RALYL: variants seen among roughly 807,000 people sequenced by gnomAD.
RALYL encodes RNA-binding Raly-like protein.
Under a neutral mutation model 35.1 loss-of-function variants are expected in RALYL, and 29 were observed. That is an observed-to-expected ratio of 0.83 (90% CI 0.61 to 1.13). RALYL has a LOEUF of 1.13. Among genes scored for constraint, RALYL ranks in the 50% most tolerant of loss-of-function variants. The pLI is 0.00. For missense variants in RALYL, 359 were observed against 360.4 expected (o/e 1.00, Z 0.03); for synonymous variants, 120 against 127.6 (o/e 0.94, Z 0.40).
intron 1 of RALYL, among the ~76,000 whole-genome samples, chr8:84,500,553 C>T (rs956006468): frequency 2.0e-5 from 3 of 152,040 alleles, no homozygotes; most frequent in African/African-American, 4.8e-5. Flanking sequence ...GTTTATTTTG[C>T]TTGTCTTTGT....
At chr8:84,635,129 G>A (rs915686824) in intron 2 of RALYL, among the ~76,000 whole-genome samples, 4 of 151,726 alleles carry the variant, frequency 2.6e-5, no homozygotes, top group East Asian at 1.9e-4. Flanking sequence ...TTTACAGTGC[G>A]TTAAGTAGCA....
At chr8:84,820,051 G>T (rs1232843135) in intron 4 of RALYL, among the ~76,000 whole-genome samples, 1 of 152,122 alleles carries the variant, frequency 6.6e-6, no homozygotes, top group African/African-American at 2.4e-5. Context: ...CTATTAGAGA[G>T]TGAGAGAGAG....
chr8:84,271,902 T>A (rs1210985287), intron 1 of RALYL, among the ~76,000 whole-genome samples: 1 of 152,170 alleles, frequency 6.6e-6, no homozygotes, highest in African/African-American at 2.4e-5. Context: ...TGCATTGTGA[T>A]AATTATTGCA....
At chr8:84,444,072 T>C (rs2048612847) in intron 1 of RALYL, among the ~76,000 whole-genome samples, 1 of 152,144 alleles carries the variant, frequency 6.6e-6, no homozygotes, top group Non-Finnish European at 1.5e-5. Context: ...CCCATGCCTG[T>C]CATGTCAGCA....
intron 8 of RALYL, among the ~76,000 whole-genome samples, chr8:84,902,813 G>A (rs956814423): frequency 6.6e-6 from 1 of 152,066 alleles, no homozygotes; most frequent in Non-Finnish European, 1.5e-5. Flanking sequence ...GATTAAATAG[G>A]ATCATGTTTA....
intron 2 of RALYL, among the ~76,000 whole-genome samples, chr8:84,568,042 T>A (rs1401638943): frequency 6.6e-6 from 1 of 151,818 alleles, no homozygotes; most frequent in Non-Finnish European, 1.5e-5. Context: ...TTTCCCAGTT[T>A]TTTTTTAAAT....
At chr8:84,331,348 C>T (rs1846772297) in intron 1 of RALYL, among the ~76,000 whole-genome samples, 1 of 152,094 alleles carries the variant, frequency 6.6e-6, no homozygotes, top group South Asian at 2.1e-4. Flanking sequence ...TAAGGCTCAT[C>T]TTATGTTGTA....
At chr8:84,894,592 A>G (rs1470964280) in intron 8 of RALYL, among the ~76,000 whole-genome samples, 2 of 152,124 alleles carry the variant, frequency 1.3e-5, no homozygotes, top group Non-Finnish European at 2.9e-5. Context: ...GGCCTAGGTG[A>G]CCTGCATGGG....
intron 1 of RALYL, among the ~76,000 whole-genome samples, chr8:84,407,069 A>AACAC (rs142315273): frequency 7.1e-6 from 1 of 140,868 alleles, no homozygotes; most frequent in Admixed American, 7.1e-5. Flanking sequence ...CACACACACA[A>AACAC]ACACACACAC....
At chr8:84,394,633 G>A (rs1235739112) in intron 1 of RALYL, among the ~76,000 whole-genome samples, 1 of 151,672 alleles carries the variant, frequency 6.6e-6, no homozygotes, top group Non-Finnish European at 1.5e-5. Context: ...TTATCTATAT[G>A]CTATAATGAA....
chr8:84,204,934 T>C (rs942600165), intron 1 of RALYL, among the ~76,000 whole-genome samples: 2 of 152,154 alleles, frequency 1.3e-5, no homozygotes, highest in Admixed American at 6.5e-5. Flanking sequence ...TTATTCCTAT[T>C]TTATAGATGA....
rs765428641 is a variant in RALYL at position 84,563,567 on chromosome 8, GT to G, written c.256+34003del. ...CAAAGCTGACTGATTAAATTGGTAA[GT>G]TTTTTTTTTTTTAAATTACCAGCGG... On this transcript the variant is annotated intron_variant, in intron 2 of 8. Transcript: ENST00000521268. 7.1e-4 allele frequency among the ~76,000 whole-genome samples: 102 copies of G among 144,450 alleles called. 1 individual carries two copies. Among genetic ancestry groups the G allele is most frequent in the Admixed American group, 1.0e-3 (15 of 14,404 alleles). 94.8% of individuals were successfully genotyped at this position (144,450 alleles called of 152,430 possible). A position where few individuals can be genotyped will look rare whatever the true frequency, so the allele number is the denominator to read the frequency against.
chr8:84,576,867 C>T (rs1489904791), intron 2 of RALYL, among the ~76,000 whole-genome samples: 1 of 152,202 alleles, frequency 6.6e-6, no homozygotes, highest in Non-Finnish European at 1.5e-5. Context: ...GTGACTGCAA[C>T]TCTAAACCTT....
At chr8:84,480,510 C>A (rs2053932981) in intron 1 of RALYL, among the ~76,000 whole-genome samples, 1 of 152,076 alleles carries the variant, frequency 6.6e-6, no homozygotes, top group Non-Finnish European at 1.5e-5. Context: ...TGTGCGTATT[C>A]TAAATTGGAT....
chr8:84,792,961 T>C (rs1184521904), intron 3 of RALYL, among the ~76,000 whole-genome samples: 1 of 152,214 alleles, frequency 6.6e-6, no homozygotes, highest in East Asian at 1.9e-4. Flanking sequence ...ATAGCCAGAC[T>C]GTCTACCAGA....
At chr8:84,276,025 A>G (rs1395062165) in intron 1 of RALYL, among the ~76,000 whole-genome samples, 1 of 152,168 alleles carries the variant, frequency 6.6e-6, no homozygotes, top group African/African-American at 2.4e-5. Context: ...TTGCTTTTTT[A>G]TTATGCTTTT....
At chr8:84,870,629 A>C (rs1586876283) in intron 6 of RALYL, among the ~76,000 whole-genome samples, 1 of 151,824 alleles carries the variant, frequency 6.6e-6, no homozygotes, top group African/African-American at 2.4e-5. Context: ...AGTAAGCAAA[A>C]ATAGGGATTT....
At chr8:84,802,498 TA>T (rs1187698295) in intron 3 of RALYL, among the ~76,000 whole-genome samples, 1 of 142,478 alleles carries the variant, frequency 7.0e-6, no homozygotes, top group Non-Finnish European at 1.5e-5. Context: ...CAACTATTAA[TA>T]ACTAGCTAGT....
At chr8:84,711,981 T>A (rs1842260790) in intron 2 of RALYL, among the ~76,000 whole-genome samples, 1 of 152,184 alleles carries the variant, frequency 6.6e-6, no homozygotes, top group African/African-American at 2.4e-5. Flanking sequence ...GAAAATGTGA[T>A]CTAGGTTTTA....
Sources: gnomAD v4.1 joint callset for allele counts (sites outside exome capture counted in the v4.1 genomes callset) on GRCh38, gnomAD v4.1.1 for gene constraint, MANE v1.5 for transcripts, NCBI Gene and HGNC (gene_info 2026-07-23, HGNC 2026-07-21) for gene names.